The following PALM2AKAP2 variants were observed in gnomAD, a reference collection of about 807,000 sequenced individuals.
PALM2AKAP2 encodes the protein PALM2 and AKAP2 fusion, also known as PALM2-AKAP2 fusion protein.
A neutral mutation model predicts 71.5 loss-of-function variants in PALM2AKAP2; 37 were observed. That is an observed-to-expected ratio of 0.52 (90% confidence interval 0.40 to 0.68). The LOEUF (loss-of-function observed/expected upper bound fraction) is 0.68. PALM2AKAP2 is among the 30% of genes least tolerant of loss of function. The probability of loss-of-function intolerance (pLI) is 0.00; values close to 1 mark genes in which losing one functional copy is unlikely to be tolerated. For missense variants in PALM2AKAP2, 1,224 were observed against 1,191.8 expected (o/e 1.03, Z -0.40); for synonymous variants, 468 against 478.8 (o/e 0.98, Z 0.29).
intron 1 of PALM2AKAP2, among the ~76,000 whole-genome samples, chr9:110,099,450 T>C (rs1446352363): frequency 6.6e-6 from 1 of 152,226 alleles, no homozygotes; most frequent in Non-Finnish European, 1.5e-5. Context: ...ATGAGGTGTT[T>C]TTCTGGGCGG....
At chr9:110,039,354 T>A (rs1309491131) in intron 7 of PALM2AKAP2, among the ~76,000 whole-genome samples, 3 of 152,244 alleles carry the variant, frequency 2.0e-5, no homozygotes, top group Admixed American at 6.5e-5. Context: ...AAAATTTTTT[T>A]TGATAGAAGA....
At chr9:109,931,075 C>G (rs1024238265) in intron 5 of PALM2AKAP2, among the ~76,000 whole-genome samples, 26 of 152,312 alleles carry the variant, frequency 1.7e-4, no homozygotes, top group African/African-American at 5.8e-4. Context: ...TGGTGCCCAG[C>G]TTTCCGGAAT....
At chr9:109,880,678 A>T in exon 3 of PALM2AKAP2, 1 of 1,613,790 alleles carries the variant, frequency 6.2e-7, no homozygotes, top group Non-Finnish European at 8.5e-7. Context: ...GATAACATTC[A>T]GAGGTAGGTG....
chr9:110,048,322 CA>C (rs1207094348), upstream of PALM2AKAP2, among the ~76,000 whole-genome samples: 2 of 152,040 alleles, frequency 1.3e-5, no homozygotes, highest in Non-Finnish European at 2.9e-5. Flanking sequence ...ATGTGTACAC[CA>C]ACACACACGT....
At chr9:109,867,286 C>G (rs1829477004) in intron 1 of PALM2AKAP2, 1 of 518,968 alleles carries the variant, frequency 1.9e-6, no homozygotes, top group South Asian at 1.8e-5. Flanking sequence ...TTCTCCCACT[C>G]TTCGAGCCTA....
chr9:110,162,973 A>C (rs970205497), intron 3 of PALM2AKAP2, among the ~76,000 whole-genome samples: 2 of 151,972 alleles, frequency 1.3e-5, no homozygotes, highest in Admixed American at 6.6e-5. Flanking sequence ...CAGCCTCCCA[A>C]AGCATTGAGG....
At chr9:109,651,533 TCCTA>T (rs1827225358) in intron 1 of PALM2AKAP2, among the ~76,000 whole-genome samples, 1 of 152,210 alleles carries the variant, frequency 6.6e-6, no homozygotes, top group Non-Finnish European at 1.5e-5. Context: ...CCAGCTGGGA[TCCTA>T]GCTCACACAG....
chr9:109,836,358 C>T (rs146367419), intron 1 of PALM2AKAP2, among the ~76,000 whole-genome samples: 52 of 152,072 alleles, frequency 3.4e-4, no homozygotes, highest in Non-Finnish European at 6.2e-4. Flanking sequence ...GAAAGGACAT[C>T]GACACCAAAA....
chr9:109,706,048 A>G (rs1194226912), intron 1 of PALM2AKAP2, among the ~76,000 whole-genome samples: 1 of 152,202 alleles, frequency 6.6e-6, no homozygotes, highest in African/African-American at 2.4e-5. Flanking sequence ...AAAATCGTGT[A>G]GAAGGGAAGG....
chr9:109,835,891 C>T (rs1292388683), intron 1 of PALM2AKAP2, among the ~76,000 whole-genome samples: 1 of 152,174 alleles, frequency 6.6e-6, no homozygotes, highest in African/African-American at 2.4e-5. Context: ...GAAGCTCGAA[C>T]TGGGTGGAGC....
chr9:109,773,802 G>A (rs181078584), intron 1 of PALM2AKAP2, among the ~76,000 whole-genome samples: 298 of 91,122 alleles, frequency 3.3e-3, no homozygotes, highest in Non-Finnish European at 4.4e-3. Flanking sequence ...CAGTTTGTCC[G>A]GGAGGCCCTG....
intron 1 of PALM2AKAP2, among the ~76,000 whole-genome samples, chr9:109,647,879 A>G (rs1827175311): frequency 6.6e-6 from 1 of 152,216 alleles, no homozygotes; most frequent in Non-Finnish European, 1.5e-5. Flanking sequence ...CTTACCTTAA[A>G]GTTGAGGAAA....
intron 1 of PALM2AKAP2, among the ~76,000 whole-genome samples, chr9:109,765,237 T>A (rs1295198073): frequency 1.3e-5 from 2 of 152,224 alleles, no homozygotes; most frequent in Non-Finnish European, 2.9e-5. Context: ...CAGTGATTTG[T>A]GAAGAGGTTA....
rs1405925598 is a variant in PALM2AKAP2, at chr9:109,728,510, CA to C, written c.6-51977del. On this transcript the variant is annotated intron_variant, in intron 1 of 6. Transcript: ENST00000374531. ...TGATGCAGCAAGTGAGCCCTAAAAT[CA>C]GTTGTGCCTGAAGCCAGCTCTATCC... 3.3e-5 allele frequency among the ~76,000 whole-genome samples: 5 copies of C among 152,316 alleles called. No homozygotes were observed. In the East Asian group the frequency reaches 9.6e-4, roughly 29 times the overall value.
intron 6 of PALM2AKAP2, among the ~76,000 whole-genome samples, chr9:109,972,118 C>G (rs1832079512): frequency 1.3e-5 from 2 of 152,184 alleles, no homozygotes; most frequent in Non-Finnish European, 1.5e-5. Context: ...GACAAGGGAC[C>G]ATATCTTCAG....
At chr9:110,092,572 A>C (rs1008471028) in intron 1 of PALM2AKAP2, among the ~76,000 whole-genome samples, 14 of 152,112 alleles carry the variant, frequency 9.2e-5, no homozygotes, top group Admixed American at 6.5e-5. Context: ...AAGTGAGCTT[A>C]GTTCTGTGTG....
intron 1 of PALM2AKAP2, among the ~76,000 whole-genome samples, chr9:110,064,531 C>T (rs559009775): frequency 1.3e-5 from 2 of 152,290 alleles, no homozygotes; most frequent in African/African-American, 4.8e-5. Flanking sequence ...TGCTTGAAGC[C>T]AGGAGTTCAA....
chr9:110,104,182 G>C (rs1438241686), intron 1 of PALM2AKAP2, among the ~76,000 whole-genome samples: 1 of 144,782 alleles, frequency 6.9e-6, no homozygotes, highest in East Asian at 2.1e-4. Flanking sequence ...GCTTTTTTTT[G>C]GGGGGGCGGG....
chr9:109,986,856 C>A (rs1832388135), intron 6 of PALM2AKAP2, among the ~76,000 whole-genome samples: 1 of 152,180 alleles, frequency 6.6e-6, no homozygotes, highest in South Asian at 2.1e-4. Context: ...GAAGCATTTC[C>A]TAAAGCACAT....
Sources: allele counts gnomAD v4.1 joint callset (sites outside exome capture counted in the v4.1 genomes callset), GRCh38; gene constraint gnomAD v4.1.1; transcripts MANE v1.5; gene names NCBI Gene and HGNC (gene_info 2026-07-23, HGNC 2026-07-21).